Variants in COPG2 observed in about 807,000 individuals in gnomAD.
The protein encoded by COPG2 is coat protein complex I subunit gamma 2.
Under a neutral mutation model 46.3 loss-of-function variants are expected in COPG2, and 37 were observed. That is an observed-to-expected ratio of 0.80 (90% CI 0.61 to 1.05). COPG2 has a LOEUF of 1.05. Among genes scored for constraint, COPG2 ranks in the 50% least tolerant of loss-of-function variants. The pLI, the probability that COPG2 is intolerant of heterozygous loss-of-function variation, is 0.00. For missense variants in COPG2, 427 were observed against 387.8 expected, an observed-to-expected ratio of 1.10 and a Z score of -0.85; for synonymous variants, 159 against 129.7, an observed-to-expected ratio of 1.23 and a Z score of -1.53.
chr7:130,591,159 G>A (rs868926499), intron 9 of COPG2, among the ~76,000 whole-genome samples: 166 of 125,412 alleles, frequency 1.3e-3, no homozygotes, highest in African/African-American at 3.9e-3. Flanking sequence ...TCAGCCCCCC[G>A]CCCGGCCAGC....
chr7:130,547,011 GT>G (rs1198538350), intron 20 of COPG2: 2 of 152,184 alleles, frequency 1.3e-5, no homozygotes, highest in Non-Finnish European at 2.9e-5. Context: ...GGGGAATCAA[GT>G]AGAATAAATA....
At position 130,548,414 on chromosome 7, in the gene COPG2, T is replaced by C. The variant is rs1236905015; in HGVS notation, c.1966A>G (p.Ile656Val). 1 of 398,494 alleles carries C rather than the reference T, an allele frequency of 2.5e-6. No individual in the cohort carries two copies. Among genetic ancestry groups the C allele is most frequent in the Non-Finnish European group, 4.4e-6 (1 of 226,058 alleles). 24.7% of individuals were successfully genotyped at this position (398,494 alleles called of 1,614,324 possible). ...RCIKHMFTNH[I>V]VFQFDCTNTL... ...GGGCATTATCTTACCTGGAACACGA[T>C]GTGATTGGTAAACATGTGCTTGATA... The change falls in exon 19 of 24, where the codon ATC becomes GTC. Residue 656 changes from isoleucine (I) to valine (V), a missense_variant. Coordinates refer to ENST00000425248, the MANE Select transcript of COPG2 (RefSeq NM_012133.6).
chr7:130,620,500 C>T (rs1795020655), intron 5 of COPG2, among the ~76,000 whole-genome samples: 1 of 152,136 alleles, frequency 6.6e-6, no homozygotes, highest in African/African-American at 2.4e-5. Context: ...AAAAGTTTAC[C>T]TGATTAAATT....
intron 5 of COPG2, among the ~76,000 whole-genome samples, chr7:130,651,494 A>ATTTTTTTTTTTTTTTTTTTTT (rs59572019): frequency 3.5e-5 from 2 of 57,242 alleles, no homozygotes; most frequent in Non-Finnish European, 3.1e-5. Flanking sequence ...ATTTTTTTGT[A>ATTTTTTTTTTTTTTTTTTTTT]TTTTTTTTTT....
At chr7:130,586,523 C>T (rs1403132670) in intron 9 of COPG2, among the ~76,000 whole-genome samples, 3 of 151,978 alleles carry the variant, frequency 2.0e-5, no homozygotes, top group Admixed American at 6.6e-5. Flanking sequence ...AATGCAGTGG[C>T]GCTATCTCGG....
chr7:130,541,544 G>A (rs1050104988), intron 20 of COPG2, among the ~76,000 whole-genome samples: 1 of 152,114 alleles, frequency 6.6e-6, no homozygotes, highest in African/African-American at 2.4e-5. Context: ...GGCAGAGAGC[G>A]AGACACGAGT....
In COPG2 at chr7:130,506,607, C is replaced by G; in HGVS notation, c.*69G>C. 1.7e-6 allele frequency: 1 copy of G among 580,232 alleles called. No individual in the cohort carries two copies. 35.9% of individuals were successfully genotyped at this position (580,232 alleles called of 1,614,324 possible). ...TCTTCAAAAGTCTGATTCTGGGAAA[C>G]TGATGCCACTAGCCTAAAAGCCCAC... On this transcript the variant is annotated 3_prime_UTR_variant, in exon 24 of 24. Coordinates refer to ENST00000425248, the MANE Select transcript of COPG2 (RefSeq NM_012133.6).
chr7:130,554,250 CG>C (rs1324946361), intron 14 of COPG2, among the ~76,000 whole-genome samples: 56 of 152,188 alleles, frequency 3.7e-4, no homozygotes, highest in African/African-American at 1.3e-3. Context: ...ACTGAAAAAA[CG>C]GATGAGCCAT....
rs1038575709 is a variant in COPG2 at position 130,564,292 on chromosome 7, C to A, written c.839G>T (p.Cys280Phe). The change falls in exon 10 of 24, where the codon TGC becomes TTC. Residue 280 changes from cysteine to phenylalanine, a missense_variant. Transcript: ENST00000425248. ...AASAIIHLPN[C>F]TARELAPAVS... ...AGCAGGTGCCAACTCTCTTGCAGTGCAGTTAGGAAGATGGATGATAGCTGA... is the reference window on the plus strand; with the variant it reads ...AGCAGGTGCCAACTCTCTTGCAGTGAAGTTAGGAAGATGGATGATAGCTGA... The A allele has an allele frequency of 3.8e-5, 15 of 398,426 alleles. No individual in the cohort carries two copies. Among genetic ancestry groups the A allele is most frequent in the Non-Finnish European group, 4.4e-5 (10 of 226,050 alleles). The allele number at this position is 398,426 out of a possible 1,614,324, so 24.7% of individuals were successfully genotyped here.
At chr7:130,573,997 T>C (rs1793958797) in intron 9 of COPG2, among the ~76,000 whole-genome samples, 1 of 152,196 alleles carries the variant, frequency 6.6e-6, no homozygotes, top group Admixed American at 6.5e-5. Flanking sequence ...ATAGAAATCT[T>C]TGCAAGAAAA....
intron 4 of COPG2, among the ~76,000 whole-genome samples, chr7:130,661,894 T>A (rs1795987784): frequency 1.3e-5 from 2 of 152,188 alleles, no homozygotes; most frequent in East Asian, 3.9e-4. Flanking sequence ...AAGCCTTATA[T>A]CATGTGGCTA....
At position 130,652,899 on chromosome 7, in the gene COPG2, A is replaced by G. The variant is rs1554459315; in HGVS notation, c.293T>C (p.Ile98Thr). Reference sequence around the variant, plus strand: ...TGTGACAATTATCACATCCTCAGAGATGGTAGCCATTTCTTTGATGGTAAG... The same window carrying G: ...TGTGACAATTATCACATCCTCAGAGGTGGTAGCCATTTCTTTGATGGTAAG... ...CYLTIKEMAT[I>T]SEDVIIVTSS... The change falls in exon 5 of 24, where the codon ATC (isoleucine) becomes ACC (threonine). Residue 98 changes from isoleucine to threonine, a missense_variant. Coordinates refer to ENST00000425248, the MANE Select transcript of COPG2 (RefSeq NM_012133.6). 1 of 1,607,522 alleles carries G rather than the reference A, an allele frequency of 6.2e-7. No homozygotes were observed. Among genetic ancestry groups the G allele is most frequent in the Non-Finnish European group, 8.5e-7 (1 of 1,176,268 alleles).
intron 9 of COPG2, among the ~76,000 whole-genome samples, chr7:130,592,368 C>T (rs2116465181): frequency 6.7e-6 from 1 of 150,244 alleles, no homozygotes; most frequent in Middle Eastern, 3.4e-3. Context: ...GCCAAATCCC[C>T]CTCTGCGAGA....
At chr7:130,579,368 C>G (rs1402746355) in intron 9 of COPG2, among the ~76,000 whole-genome samples, 16 of 149,828 alleles carry the variant, frequency 1.1e-4, no homozygotes, top group Admixed American at 3.3e-4. Context: ...TGGAAAGGAA[C>G]AACCGGTACC....
chr7:130,553,106 T>C (rs1793558812), intron 14 of COPG2, among the ~76,000 whole-genome samples: 1 of 151,704 alleles, frequency 6.6e-6, no homozygotes, highest in Admixed American at 6.6e-5. Context: ...AGGATAAGAG[T>C]ATTAGAGGCA....
intron 11 of COPG2, among the ~76,000 whole-genome samples, chr7:130,562,849 G>A (rs1386764282): frequency 6.6e-6 from 1 of 152,172 alleles, no homozygotes; most frequent in Non-Finnish European, 1.5e-5. Context: ...CAGGGCTGCT[G>A]TAGACCAGCA....
At chr7:130,668,549 C>T in intron 1 of COPG2, 83 bp downstream of exon 1, 1 of 1,365,152 alleles carries the variant, frequency 7.3e-7, no homozygotes, top group Non-Finnish European at 9.8e-7. Context: ...GCCCCCAGCC[C>T]CGCCGGCCTG....
At chr7:130,526,859 G>A (rs1378616353) in intron 20 of COPG2, among the ~76,000 whole-genome samples, 2 of 136,368 alleles carry the variant, frequency 1.5e-5, no homozygotes, top group Non-Finnish European at 3.1e-5. Flanking sequence ...TGGGATTTGG[G>A]ATTGGGTTTG....
At chr7:130,523,663 C>T (rs1799747361) in intron 20 of COPG2, among the ~76,000 whole-genome samples, 1 of 152,130 alleles carries the variant, frequency 6.6e-6, no homozygotes, top group Non-Finnish European at 1.5e-5. Context: ...TCCAACGCCT[C>T]GGTCCCAGAC....
Sources: allele counts gnomAD v4.1 joint callset (sites outside exome capture counted in the v4.1 genomes callset), GRCh38; gene constraint gnomAD v4.1.1; transcripts MANE v1.5; gene names NCBI Gene and HGNC (gene_info 2026-07-23, HGNC 2026-07-21).